ROBO2: variants seen among roughly 807,000 people sequenced by gnomAD.
ROBO2 encodes the protein roundabout homolog 2.
Under a neutral mutation model 160.8 loss-of-function variants are expected in ROBO2, and 53 were observed. The observed-to-expected ratio is 0.33, with a 90% CI of 0.26 to 0.41. The LOEUF (loss-of-function observed/expected upper bound fraction) is 0.41, where lower values mean the gene tolerates loss of function less well. Among genes scored for constraint, ROBO2 ranks in the 10% least tolerant of loss-of-function variants. The pLI, the probability that ROBO2 is intolerant of heterozygous loss-of-function variation, is 1.00. For missense variants in ROBO2, 1,577 were observed against 1,722.4 expected (o/e 0.92, Z 1.49); for synonymous variants, 664 against 611.7 (o/e 1.09, Z -1.26).
intron 2 of ROBO2, among the ~76,000 whole-genome samples, chr3:76,571,982 A>G (rs1225775805): frequency 6.6e-6 from 1 of 152,116 alleles, no homozygotes; most frequent in Non-Finnish European, 1.5e-5. Flanking sequence ...AAGATTTTGG[A>G]AAGTCTAGAT....
intron 2 of ROBO2, among the ~76,000 whole-genome samples, chr3:76,349,457 A>G (rs911762940): frequency 9.9e-5 from 15 of 152,264 alleles, no homozygotes; most frequent in Non-Finnish European, 1.8e-4. Flanking sequence ...CTTACTGACT[A>G]TGAAACTGAG....
intron 2 of ROBO2, among the ~76,000 whole-genome samples, chr3:76,366,518 CT>C (rs1022455318): frequency 3.9e-5 from 6 of 152,078 alleles, no homozygotes; most frequent in African/African-American, 1.4e-4. Context: ...GAATTCACTA[CT>C]GAAAAAGAAC....
At chr3:77,012,213 C>T (rs974022308) in intron 2 of ROBO2, among the ~76,000 whole-genome samples, 1 of 152,096 alleles carries the variant, frequency 6.6e-6, no homozygotes, top group Admixed American at 6.6e-5. Context: ...TTTCTGTTCT[C>T]TTGGCTCCAC....
exon 14 of ROBO2, chr3:77,574,582 G>T (rs2093716031): frequency 6.2e-7 from 1 of 1,613,452 alleles, no homozygotes; most frequent in African/African-American, 1.3e-5. Context: ...CTTCGTGGCA[G>T]AATTTAGATG....
At chr3:76,219,402 G>A (rs948907266) in intron 2 of ROBO2, among the ~76,000 whole-genome samples, 3 of 152,132 alleles carry the variant, frequency 2.0e-5, no homozygotes, top group Non-Finnish European at 4.4e-5. Flanking sequence ...TACAGCATGG[G>A]AGAAAATTTT....
chr3:77,508,342 T>G (rs1288195128), intron 5 of ROBO2, among the ~76,000 whole-genome samples: 1 of 147,474 alleles, frequency 6.8e-6, no homozygotes, highest in Non-Finnish European at 1.5e-5. Context: ...TTACAAAAAT[T>G]TATATAAAAC....
intron 19 of ROBO2, among the ~76,000 whole-genome samples, chr3:77,600,258 T>G (rs895391228): frequency 2.6e-5 from 4 of 152,234 alleles, no homozygotes; most frequent in Admixed American, 6.5e-5. Flanking sequence ...AATATTCATG[T>G]GCAATATTCC....
rs746770329 is a variant in ROBO2, at chr3:77,436,033, G to GA, written c.389-41372dup. Among the ~76,000 whole-genome samples, 18 of 148,242 alleles carry GA rather than the reference G, an allele frequency of 1.2e-4. No individual in the cohort carries two copies. The East Asian group carries it at 1.6e-3, about 14-fold the overall frequency. On this transcript the variant is annotated intron_variant, in intron 2 of 25. Coordinates refer to ENST00000461745, the Ensembl canonical transcript of ROBO2. ...TCTTGATTAAGAAGTGAGTCTTAGA[G>GA]AAAAAAAAAGACATGATATGGATTC...
intron 2 of ROBO2, among the ~76,000 whole-genome samples, chr3:76,773,114 A>T (rs1414206502): frequency 6.6e-6 from 1 of 151,092 alleles, no homozygotes; most frequent in Non-Finnish European, 1.5e-5. Flanking sequence ...ATGTAAAGAG[A>T]AGTGCAATCT....
intron 2 of ROBO2, among the ~76,000 whole-genome samples, chr3:76,098,368 T>G (rs2069539701): frequency 6.6e-6 from 1 of 152,152 alleles, no homozygotes; most frequent in Non-Finnish European, 1.5e-5. Flanking sequence ...GTAACTATGT[T>G]TTTAGATTTT....
chr3:76,357,137 T>C (rs2108345286), intron 2 of ROBO2, among the ~76,000 whole-genome samples: 1 of 151,882 alleles, frequency 6.6e-6, no homozygotes, highest in African/African-American at 2.4e-5. Context: ...ATTGTTAAAA[T>C]ACCATGGAAT....
At chr3:76,708,620 C>T (rs1361353446) in intron 2 of ROBO2, among the ~76,000 whole-genome samples, 1 of 152,124 alleles carries the variant, frequency 6.6e-6, no homozygotes, top group Non-Finnish European at 1.5e-5. Context: ...AACAAAAAGC[C>T]TATCATAGGT....
At position 76,201,609 on chromosome 3, in the gene ROBO2, G is replaced by C. The variant is rs146052749; in HGVS notation, c.109+264007G>C. ...TTGCCGTTACCCTCTTCAAAGCTGA[G>C]GTTATAGCTCTTCCCCATCTGTTAA... On this transcript the variant is annotated intron_variant, in intron 2 of 26. Transcript: ENST00000487694. Among the ~76,000 whole-genome samples, 519 of 152,088 alleles carry C rather than the reference G, an allele frequency of 3.4e-3. 3 individuals are homozygous for C. The highest frequency in any genetic ancestry group is 9.6e-3 in the African/African-American group (399 of 41,496).
intron 2 of ROBO2, among the ~76,000 whole-genome samples, chr3:76,635,463 G>T (rs2090279671): frequency 6.6e-6 from 1 of 152,146 alleles, no homozygotes; most frequent in East Asian, 1.9e-4. Flanking sequence ...CTATGTCATA[G>T]GAATGCCGGA....
intron 2 of ROBO2, among the ~76,000 whole-genome samples, chr3:76,240,476 A>G (rs545799184): frequency 6.6e-6 from 1 of 152,312 alleles, no homozygotes; most frequent in African/African-American, 2.4e-5. Context: ...AAACTAGTAT[A>G]TTAAGTAAAT....
chr3:76,615,289 G>A (rs896682629), intron 2 of ROBO2, among the ~76,000 whole-genome samples: 1 of 151,966 alleles, frequency 6.6e-6, no homozygotes, highest in Non-Finnish European at 1.5e-5. Context: ...TAACCCACAA[G>A]CAATTATAAA....
intron 2 of ROBO2, among the ~76,000 whole-genome samples, chr3:77,001,420 T>G (rs1396380261): frequency 6.6e-6 from 1 of 152,170 alleles, no homozygotes; most frequent in African/African-American, 2.4e-5. Context: ...TTAAAAATAG[T>G]TGTGAGTATC....
chr3:77,113,485 G>A (rs2073886571), intron 2 of ROBO2, among the ~76,000 whole-genome samples: 1 of 152,188 alleles, frequency 6.6e-6, no homozygotes, highest in African/African-American at 2.4e-5. Context: ...TAATAGAGAT[G>A]TAAGAATCTC....
intron 4 of ROBO2, among the ~76,000 whole-genome samples, chr3:77,482,679 A>G (rs1161592453): frequency 6.6e-6 from 1 of 152,206 alleles, no homozygotes; most frequent in Non-Finnish European, 1.5e-5. Flanking sequence ...CATTTCATGC[A>G]GTCCTCTATA....
Sources: allele counts gnomAD v4.1 joint callset (sites outside exome capture counted in the v4.1 genomes callset), GRCh38; gene constraint gnomAD v4.1.1; transcripts MANE v1.5; gene names NCBI Gene and HGNC (gene_info 2026-07-23, HGNC 2026-07-21).